RBM5: variants seen among roughly 807,000 people sequenced by gnomAD.
The protein encoded by RBM5 is RNA-binding protein 5.
Under a neutral mutation model 124.6 loss-of-function variants are expected in RBM5, and 15 were observed. The observed-to-expected ratio is 0.12, with a 90% CI of 0.08 to 0.19. RBM5 has a LOEUF of 0.19. Ranked by LOEUF, RBM5 falls within the 10% of genes least tolerant of loss-of-function variation. The pLI, the probability that RBM5 is intolerant of heterozygous loss-of-function variation, is 1.00. For synonymous variants in RBM5, 337 were observed against 361.2 expected, an observed-to-expected ratio of 0.93 and a Z score of 0.76; for missense variants, 580 against 1,026.5, an observed-to-expected ratio of 0.57 and a Z score of 5.94.
At chr3:50,109,508 A>G (rs966577133) in intron 14 of RBM5, 95 bp from the exon 15 acceptor site, 19 of 964,106 alleles carry the variant, frequency 2.0e-5, no homozygotes, top group Middle Eastern at 2.1e-4. Flanking sequence ...GACATATACA[A>G]TGACAGAAGA....
intron 4 of RBM5, among the ~76,000 whole-genome samples, chr3:50,099,318 G>T (rs891054597): frequency 2.0e-5 from 3 of 151,756 alleles, no homozygotes; most frequent in Admixed American, 1.3e-4. Context: ...TTTAATGAAT[G>T]CCTTCAGTGC....
chr3:50,089,207 C>T (rs1458643808), intron 1 of RBM5, 178 bp downstream of exon 1: 3 of 152,628 alleles, frequency 2.0e-5, no homozygotes, highest in African/African-American at 7.2e-5. Flanking sequence ...TGTCAGTTTC[C>T]AGAGGGTGTC....
intron 3 of RBM5, 103 bp downstream of exon 3, chr3:50,092,311 TATCACTTTGGGAGGCCAAGGCGGCCAG>T: frequency 7.5e-7 from 1 of 1,325,284 alleles, no homozygotes; most frequent in Non-Finnish European, 1.0e-6. Flanking sequence ...CCCATAATCC[TATCACTTTGGGAGGCCAAGGCGGCCAG>T]ATCACTTGAG....
chr3:50,117,517 A>G lies in RBM5; in HGVS notation c.2322+138A>G. ...AGGGGCAGATTACAGGCATGAGCTC[A>G]CACCTGTAATCCCAGCACTTTGGGA... On this transcript the variant is annotated intron_variant, in intron 24 of 24. Transcript: ENST00000347869. This position sits in a 1 kb window ranked among gnomAD's most constrained non-coding sequence, Gnocchi z 4.2. The G allele has an allele frequency of 8.1e-7, 1 of 1,239,652 alleles. No individual in the cohort carries two copies. The highest frequency in any genetic ancestry group is 1.1e-6 in the Non-Finnish European group (1 of 898,770). 76.8% of individuals were successfully genotyped at this position (1,239,652 alleles called of 1,614,324 possible). A position where few individuals can be genotyped will look rare whatever the true frequency, so the allele number is the denominator to read the frequency against.
At chr3:50,103,036 C>A in intron 6 of RBM5, 47 bp from the exon 7 acceptor site, 1 of 1,415,400 alleles carries the variant, frequency 7.1e-7, no homozygotes, top group Non-Finnish European at 1.0e-6. Context: ...GGAAAATGGA[C>A]ACATGTTCCT....
rs574105467 is a variant in RBM5 at position 50,096,457 on chromosome 3, C to T, written c.339+2582C>T. Reference sequence around the variant, plus strand: ...GAGTTGTGTTCACGCCACTGCACTCCAGCCTGAGCGACAGAGCAAGACCCT... The same window carrying T: ...GAGTTGTGTTCACGCCACTGCACTCTAGCCTGAGCGACAGAGCAAGACCCT... On this transcript the variant is annotated intron_variant, in intron 4 of 24. Transcript: ENST00000347869. Among the ~76,000 whole-genome samples the T allele has an allele frequency of 4.1e-4, 62 of 152,146 alleles. No individual in the cohort carries two copies. The Middle Eastern group carries it at 0.01, about 25-fold the overall frequency.
chr3:50,102,876 G>T (rs752776782), intron 6 of RBM5: 16 of 543,042 alleles, frequency 2.9e-5, no homozygotes, highest in Middle Eastern at 4.9e-4. Context: ...AGCACTCCCT[G>T]ACTCCGTTTA....
chr3:50,098,867 A>G (rs1209652084), intron 4 of RBM5, among the ~76,000 whole-genome samples: 1 of 152,176 alleles, frequency 6.6e-6, no homozygotes, highest in Non-Finnish European at 1.5e-5. Context: ...GGCTTGAGCC[A>G]CTGTACTATC....
rs1030158810 is a variant in RBM5 at position 50,118,112 on chromosome 3, G to A, written c.2323-219G>A. ...ATGCTTGCTGAGCAGGCATTGAGGG[G>A]TGGGTGATTTGCTTCATCTGCCTGT... On this transcript the variant is annotated intron_variant, in intron 24 of 24. Transcript: ENST00000347869. 11 of 597,052 alleles carry A rather than the reference G, an allele frequency of 1.8e-5. No homozygotes were observed. In the South Asian group the frequency reaches 2.2e-4, roughly 12 times the overall value. The allele number at this position is 597,052 out of a possible 1,614,324, so 37.0% of individuals were successfully genotyped here.
rs147830512 is a variant in RBM5, at chr3:50,094,960, G to A, written c.339+1085G>A. 5.6e-4 allele frequency among the ~76,000 whole-genome samples: 85 copies of A among 152,280 alleles called. No homozygotes were observed. In the East Asian group the frequency reaches 0.015, roughly 28 times the overall value. Reference sequence around the variant, plus strand: ...GCCTGTAATCCCAGGCACTTTGGGAGGTCGAGGCGGGTGGATCACTTGAGG... The same window carrying A: ...GCCTGTAATCCCAGGCACTTTGGGAAGTCGAGGCGGGTGGATCACTTGAGG... On this transcript the variant is annotated intron_variant, in intron 4 of 24. Transcript: ENST00000347869.
intron 8 of RBM5, 118 bp downstream of exon 8, chr3:50,104,426 A>G (rs1160782633): frequency 2.1e-6 from 2 of 961,768 alleles, no homozygotes; most frequent in African/African-American, 1.6e-5. Context: ...TCACTTGAGG[A>G]CAGGAGTTCA....
At chr3:50,089,469 CGGG>C (rs2090661535) in intron 1 of RBM5, among the ~76,000 whole-genome samples, 1 of 152,138 alleles carries the variant, frequency 6.6e-6, no homozygotes, top group Non-Finnish European at 1.5e-5. Flanking sequence ...GGGGCATGTG[CGGG>C]GAGGGCAGGC....
intron 22 of RBM5, chr3:50,116,770 A>T (rs1046526504): frequency 2.6e-6 from 1 of 379,666 alleles, no homozygotes; most frequent in Non-Finnish European, 5.0e-6. Flanking sequence ...TCCTCTTCGC[A>T]AGCTGTACCC....
chr3:50,102,581 C>G (rs1000851865), intron 6 of RBM5: 8 of 153,238 alleles, frequency 5.2e-5, no homozygotes, highest in East Asian at 1.9e-4. Flanking sequence ...CCTTTCCCCC[C>G]AAAGGACTCA....
intron 1 of RBM5, chr3:50,090,167 A>C: frequency 5.6e-6 from 2 of 356,126 alleles, no homozygotes; most frequent in East Asian, 5.6e-5. Flanking sequence ...AATATTTTAA[A>C]ATATGCTTAA....
At position 50,100,657 on chromosome 3, in the gene RBM5, C is replaced by A; in HGVS notation, c.483+52C>A. The stretch of plus-strand genomic sequence containing the variant: ...TTCATGAAAATGGAACAAGTCTGTA[C>A]AATTTTAAAAAAAGGTTGAAGGAGT... On this transcript the variant is annotated intron_variant, in intron 6 of 24. Coordinates refer to ENST00000347869, the MANE Select transcript of RBM5 (RefSeq NM_005778.4). This position sits in a 1 kb window ranked among gnomAD's most constrained non-coding sequence, Gnocchi z 5.1. The A allele has an allele frequency of 6.9e-7, 1 of 1,453,580 alleles. No individual in the cohort carries two copies. Among genetic ancestry groups the A allele is most frequent in the Non-Finnish European group, 9.6e-7 (1 of 1,046,012 alleles). 90.0% of individuals were successfully genotyped at this position (1,453,580 alleles called of 1,614,324 possible).
intron 17 of RBM5, chr3:50,112,094 CTT>C (rs1466827902): frequency 8.5e-6 from 1 of 117,732 alleles, no homozygotes; most frequent in Non-Finnish European, 1.7e-5. Flanking sequence ...CGTCAGTTCT[CTT>C]TGGTGGCCTT....
chr3:50,115,148 A>G (rs2091222182), intron 20 of RBM5: 1 of 327,562 alleles, frequency 3.1e-6, no homozygotes, highest in Non-Finnish European at 5.6e-6. Flanking sequence ...AGCCTGGGCA[A>G]CAGAGCGAGA....
chr3:50,099,898 T>G (rs1179088954), intron 4 of RBM5, 84 bp from the exon 5 acceptor site: 1 of 1,243,842 alleles, frequency 8.0e-7, no homozygotes, highest in Non-Finnish European at 1.1e-6. Flanking sequence ...ACTTGGCTAA[T>G]TAAACAGTTG....
Sources: allele counts gnomAD v4.1 joint callset (sites outside exome capture counted in the v4.1 genomes callset), GRCh38; gene constraint gnomAD v4.1.1; non-coding constraint Gnocchi (gnomAD v3.1); transcripts MANE v1.5; gene names NCBI Gene and HGNC (gene_info 2026-07-23, HGNC 2026-07-21).